LINGO2: variants seen among roughly 807,000 people sequenced by gnomAD.
LINGO2 encodes the protein leucine-rich repeat and immunoglobulin-like domain-containing nogo receptor-interacting protein 2.
A neutral mutation model predicts 30.6 loss-of-function variants in LINGO2; 14 were observed. The ratio of observed to expected loss-of-function variants is 0.46; its 90% CI spans 0.30 to 0.72. LINGO2 has a LOEUF of 0.72. Among genes scored for constraint, LINGO2 ranks in the 30% least tolerant of loss-of-function variants. LINGO2 has a pLI of 0.07. For synonymous variants in LINGO2, 317 were observed against 288.5 expected (o/e 1.10, Z -1.00); for missense variants, 729 against 751.7 (o/e 0.97, Z 0.35).
At chr9:28,051,030 T>TA (rs1265844054) in intron 4 of LINGO2, among the ~76,000 whole-genome samples, 1 of 150,968 alleles carries the variant, frequency 6.6e-6, no homozygotes, top group Non-Finnish European at 1.5e-5. Context: ...TGTTTTTAGC[T>TA]AACCTCTTTC....
intron 1 of LINGO2, among the ~76,000 whole-genome samples, chr9:28,479,039 T>C (rs989933464): frequency 1.3e-5 from 2 of 152,040 alleles, no homozygotes; most frequent in Non-Finnish European, 2.9e-5. Context: ...GTACTTATGT[T>C]ATTTCATTTA....
the LINGO2 span, among the ~76,000 whole-genome samples, chr9:28,883,628 G>GTGTGTATGTATATATATATA: frequency 0.02 from 1,255 of 64,046 alleles, 318 homozygotes; most frequent in Non-Finnish European, 0.025. Context: ...ATGTGTGTGT[G>GTGTGTATGTATATATATATA]TATATATATA....
At chr9:28,282,038 A>C (rs1823346679) in intron 4 of LINGO2, among the ~76,000 whole-genome samples, 1 of 152,120 alleles carries the variant, frequency 6.6e-6, no homozygotes, top group Non-Finnish European at 1.5e-5. Context: ...TATGCCCCTG[A>C]ATAAATCTCA....
At chr9:27,950,131 G>C in exon 6 of LINGO2, 1 of 1,614,060 alleles carries the variant, frequency 6.2e-7, no homozygotes, top group Non-Finnish European at 8.5e-7. Context: ...AGGGTGAGCT[G>C]CTCCAAGCTA....
intron 1 of LINGO2, among the ~76,000 whole-genome samples, chr9:28,501,209 G>C (rs927618190): frequency 6.6e-6 from 1 of 152,122 alleles, no homozygotes; most frequent in Non-Finnish European, 1.5e-5. Flanking sequence ...TACACAAATT[G>C]TTGGTAATTA....
the LINGO2 span, among the ~76,000 whole-genome samples, chr9:29,091,664 T>A: frequency 6.6e-6 from 1 of 151,992 alleles, no homozygotes; most frequent in African/African-American, 2.4e-5. Flanking sequence ...ATAATGTCTA[T>A]CTCGTCCACA....
the LINGO2 span, among the ~76,000 whole-genome samples, chr9:28,754,858 C>T: frequency 6.6e-6 from 1 of 151,874 alleles, no homozygotes; most frequent in Non-Finnish European, 1.5e-5. Context: ...GTCTTGATCT[C>T]CTGATCCCAT....
chr9:28,516,791 A>G (rs1820635612), intron 1 of LINGO2, among the ~76,000 whole-genome samples: 1 of 152,176 alleles, frequency 6.6e-6, no homozygotes, highest in Non-Finnish European at 1.5e-5. Flanking sequence ...ATATCTTCTT[A>G]GCTAAATCTA....
the LINGO2 span, among the ~76,000 whole-genome samples, chr9:29,089,383 G>A: frequency 6.6e-6 from 1 of 151,882 alleles, no homozygotes; most frequent in Non-Finnish European, 1.5e-5. Context: ...CAACAGCTAT[G>A]CAGTAGTAGT....
At chr9:28,584,757 TGAA>T (rs1824445573) in intron 1 of LINGO2, among the ~76,000 whole-genome samples, 1 of 152,012 alleles carries the variant, frequency 6.6e-6, no homozygotes, top group South Asian at 2.1e-4. Context: ...TTTATACTGT[TGAA>T]GAGAGATCAG....
At chr9:28,506,463 TACACACACACACACAC>T (rs1273172042) in intron 1 of LINGO2, among the ~76,000 whole-genome samples, 3 of 20,870 alleles carry the variant, frequency 1.4e-4, no homozygotes, top group Non-Finnish European at 7.2e-4. Context: ...CACATACACA[TACACACACACACACAC>T]ATACACATAC....
chr9:28,994,918 A>C, the LINGO2 span, among the ~76,000 whole-genome samples: 57 of 152,356 alleles, frequency 3.7e-4, no homozygotes, highest in African/African-American at 1.3e-3. Flanking sequence ...TAAAAACCCT[A>C]GAAGAAAACC....
At chr9:28,815,471 CT>C in the LINGO2 span, among the ~76,000 whole-genome samples, 2 of 152,124 alleles carry the variant, frequency 1.3e-5, no homozygotes, top group African/African-American at 2.4e-5. Flanking sequence ...CTAAATCTTT[CT>C]GGCTTCTGAT....
chr9:28,577,668 G>A (rs1449702565), intron 1 of LINGO2, among the ~76,000 whole-genome samples: 1 of 152,058 alleles, frequency 6.6e-6, no homozygotes, highest in Non-Finnish European at 1.5e-5. Flanking sequence ...CTTTTGGGTG[G>A]TTATATTTTC....
chr9:29,163,101 A>G, the LINGO2 span, among the ~76,000 whole-genome samples: 70 of 152,304 alleles, frequency 4.6e-4, no homozygotes, highest in African/African-American at 1.6e-3. Flanking sequence ...TTTGCTTTAA[A>G]GTTTTAATAT....
At chr9:28,671,684 T>C (rs1363042924), upstream of LINGO2, among the ~76,000 whole-genome samples, 2 of 151,990 alleles carry the variant, frequency 1.3e-5, no homozygotes, top group Non-Finnish European at 2.9e-5. Flanking sequence ...TATCACGTAC[T>C]ATGCCTATTC....
At chr9:28,824,492 C>A in the LINGO2 span, among the ~76,000 whole-genome samples, 1 of 152,136 alleles carries the variant, frequency 6.6e-6, no homozygotes, top group African/African-American at 2.4e-5. Context: ...TGTACCAGAG[C>A]ACATGCATCA....
At chr9:28,992,948 A>G in the LINGO2 span, among the ~76,000 whole-genome samples, 1 of 151,542 alleles carries the variant, frequency 6.6e-6, no homozygotes, top group Non-Finnish European at 1.5e-5. Context: ...CATCACAATT[A>G]AAAGAACTAG....
intron 1 of LINGO2, among the ~76,000 whole-genome samples, chr9:28,586,118 C>A (rs1824525642): frequency 6.6e-6 from 1 of 151,758 alleles, no homozygotes; most frequent in South Asian, 2.1e-4. Flanking sequence ...GATTTAGAAT[C>A]AAGTTTATTT....
Sources: allele counts gnomAD v4.1 joint callset (sites outside exome capture counted in the v4.1 genomes callset), GRCh38; gene constraint gnomAD v4.1.1; transcripts MANE v1.5; gene names NCBI Gene and HGNC (gene_info 2026-07-23, HGNC 2026-07-21).